The following XYLB variants were observed in gnomAD, a reference collection of about 807,000 sequenced individuals.
XYLB encodes xylulose kinase.
Under a neutral mutation model 78.7 loss-of-function variants are expected in XYLB, and 62 were observed. The ratio of observed to expected loss-of-function variants is 0.79; its 90% confidence interval spans 0.64 to 0.97. The LOEUF (loss-of-function observed/expected upper bound fraction) is 0.97, where lower values mean the gene tolerates loss of function less well. Among genes scored for constraint, XYLB ranks in the 50% least tolerant of loss-of-function variants. XYLB has a pLI of 0.00. For missense variants in XYLB, 687 were observed against 676.8 expected, an observed-to-expected ratio of 1.02 and a Z score of -0.17; for synonymous variants, 245 against 247.4, an observed-to-expected ratio of 0.99 and a Z score of 0.09.
chr3:38,400,165 AT>A (rs1244318347), intron 17 of XYLB, among the ~76,000 whole-genome samples: 24 of 152,098 alleles, frequency 1.6e-4, no homozygotes, highest in Non-Finnish European at 1.0e-4. Flanking sequence ...CCTGCTACTC[AT>A]TTGCTTGGTG....
chr3:38,354,581 C>G (rs1343631184), intron 2 of XYLB, among the ~76,000 whole-genome samples: 6 of 151,834 alleles, frequency 4.0e-5, no homozygotes, highest in African/African-American at 1.4e-4. Flanking sequence ...CTGCTCACTG[C>G]AACCTCCACC....
At chr3:38,387,473 C>G (rs531977644) in intron 15 of XYLB, among the ~76,000 whole-genome samples, 1 of 152,088 alleles carries the variant, frequency 6.6e-6, no homozygotes, top group Non-Finnish European at 1.5e-5. Context: ...TGGGCTCAAG[C>G]GCTTCTCCTG....
rs115019662 is a variant in XYLB, at chr3:38,401,244, C to T, written c.1533+259C>T. On this transcript the variant is annotated intron_variant, in intron 18 of 18. Transcript: ENST00000207870. ...TGCTTCTTATGCCTCACGGTGGGCCCTTCCATGTCACTGGGCTATAAAAGC... is the reference window on the plus strand; with the variant it reads ...TGCTTCTTATGCCTCACGGTGGGCCTTTCCATGTCACTGGGCTATAAAAGC... 1.2e-3 allele frequency among the ~76,000 whole-genome samples: 189 copies of T among 152,228 alleles called. 1 individual carries two copies. The highest frequency in any genetic ancestry group is 4.4e-3 in the African/African-American group (182 of 41,552).
At chr3:38,383,824 A>T (rs371138956) in intron 15 of XYLB, among the ~76,000 whole-genome samples, 3 of 152,108 alleles carry the variant, frequency 2.0e-5, no homozygotes, top group Non-Finnish European at 1.5e-5. Context: ...TCATAATCCC[A>T]TCCCCTCTCT....
intron 2 of XYLB, among the ~76,000 whole-genome samples, chr3:38,358,336 TGTGTGTGTGTGTGTGTGTGTG>T (rs1705783398): frequency 4.0e-5 from 3 of 75,788 alleles, no homozygotes; most frequent in Admixed American, 1.8e-4. Flanking sequence ...TGTGTGTGTG[TGTGTGTGTGTGTGTGTGTGTG>T]TTTGAGACAG....
Position 38,387,485 on chromosome 3 carries a change from C to T in XYLB, c.1292-8020C>T, listed in dbSNP as rs1028613149. On this transcript the variant is annotated intron_variant, in intron 15 of 18. Coordinates refer to ENST00000207870, the MANE Select transcript of XYLB (RefSeq NM_005108.4). Reference sequence around the variant, plus strand: ...TGCTGGGCTCAAGCGCTTCTCCTGCCTCAGCCTCCTGAGTTGCTGGGACTA... The same window carrying T: ...TGCTGGGCTCAAGCGCTTCTCCTGCTTCAGCCTCCTGAGTTGCTGGGACTA... 7.2e-5 allele frequency among the ~76,000 whole-genome samples: 11 copies of T among 152,284 alleles called. No individual in the cohort carries two copies. In the South Asian group the frequency reaches 2.1e-3, roughly 29 times the overall value.
In XYLB at chr3:38,372,670, T is replaced by G; in HGVS notation, c.781T>G (p.Tyr261Asp). The G allele has an allele frequency of 6.2e-7, 1 of 1,614,184 alleles. No homozygotes were observed. The highest frequency in any genetic ancestry group is 8.5e-7 in the Non-Finnish European group (1 of 1,180,042). The change falls in exon 10 of 19, where the codon TAC (tyrosine) becomes GAC (aspartate). Residue 261 changes from tyrosine to aspartate, a missense_variant. Transcript: ENST00000207870. ...CGTCCCTCAGGGAGCCATTTCTTCC[T>G]ACTACGTCCAGCGCTACGGATTTCC... is the stretch of plus-strand genomic sequence containing the variant. ...SCSVVGAISS[Y>D]YVQRYGFPPG... is the part of the protein sequence containing the mutation.
chr3:38,409,691 T>G (rs1338294093), intron 18 of XYLB, among the ~76,000 whole-genome samples: 1 of 152,156 alleles, frequency 6.6e-6, no homozygotes, highest in Non-Finnish European at 1.5e-5. Context: ...CAGCAAAGTC[T>G]CAGGATACAA....
intron 17 of XYLB, among the ~76,000 whole-genome samples, chr3:38,398,861 A>G (rs1708001300): frequency 6.6e-6 from 1 of 150,418 alleles, no homozygotes; most frequent in Non-Finnish European, 1.5e-5. Context: ...CGTCTCTACT[A>G]AAATACAAAA....
chr3:38,388,740 T>G (rs1380392417), intron 15 of XYLB, among the ~76,000 whole-genome samples: 1 of 152,180 alleles, frequency 6.6e-6, no homozygotes, highest in African/African-American at 2.4e-5. Flanking sequence ...TCAGGGAGGT[T>G]TATTTTTTGA....
downstream of XYLB, among the ~76,000 whole-genome samples, chr3:38,422,552 G>A (rs527852191): frequency 3.7e-3 from 559 of 152,204 alleles, 7 homozygotes; most frequent in African/African-American, 0.013. Context: ...AATTCAATCC[G>A]CTCAATTTAA....
At chr3:38,419,387 A>C (rs1397964839), downstream of XYLB, among the ~76,000 whole-genome samples, 1 of 151,660 alleles carries the variant, frequency 6.6e-6, no homozygotes, top group Non-Finnish European at 1.5e-5. Context: ...ATGTACAAAT[A>C]TCTGAGTCCG....
chr3:38,395,429 A>G (rs1193999935), intron 15 of XYLB, 76 bp from the exon 16 acceptor site: 1 of 1,377,976 alleles, frequency 7.3e-7, no homozygotes, highest in Non-Finnish European at 1.0e-6. Context: ...CTGTAGCTGA[A>G]GAACTCTGCA....
chr3:38,399,586 C>T (rs532728284), intron 17 of XYLB, among the ~76,000 whole-genome samples: 1 of 152,210 alleles, frequency 6.6e-6, no homozygotes, highest in South Asian at 2.1e-4. Flanking sequence ...TGTGAAGATA[C>T]TCTTCCATAA....
downstream of XYLB, among the ~76,000 whole-genome samples, chr3:38,419,886 C>G (rs563135240): frequency 6.6e-6 from 1 of 152,048 alleles, no homozygotes; most frequent in African/African-American, 2.4e-5. Flanking sequence ...GTGGCACCAT[C>G]TCGGCTCACT....
chr3:38,368,495 G>A (rs1319473656), intron 8 of XYLB, among the ~76,000 whole-genome samples: 1 of 152,240 alleles, frequency 6.6e-6, no homozygotes, highest in Non-Finnish European at 1.5e-5. Context: ...GAATGTGGGG[G>A]CAGCTTAGCT....
the XYLB span, among the ~76,000 whole-genome samples, chr3:38,447,733 G>A: frequency 3.9e-5 from 6 of 152,044 alleles, no homozygotes; most frequent in African/African-American, 1.4e-4. Context: ...ATGTGATCCT[G>A]CAATCCCAGT....
intron 9 of XYLB, among the ~76,000 whole-genome samples, chr3:38,370,494 C>A (rs996850843): frequency 6.6e-6 from 1 of 152,118 alleles, no homozygotes; most frequent in Non-Finnish European, 1.5e-5. Context: ...GCACAGAGTG[C>A]TGAAATTCTA....
chr3:38,442,684 C>T, the XYLB span, among the ~76,000 whole-genome samples: 1 of 146,934 alleles, frequency 6.8e-6, no homozygotes, highest in African/African-American at 2.6e-5. Context: ...TTCTGTTTTT[C>T]TACTCCTAGA....
Sources: allele counts gnomAD v4.1 joint callset (sites outside exome capture counted in the v4.1 genomes callset), GRCh38; gene constraint gnomAD v4.1.1; transcripts MANE v1.5; gene names NCBI Gene and HGNC (gene_info 2026-07-23, HGNC 2026-07-21).